SFI1: variants seen among roughly 807,000 people sequenced by gnomAD.
SFI1 encodes the protein SFI1 centrin binding protein, also known as protein SFI1 homolog.
Under a neutral mutation model 207.5 loss-of-function variants are expected in SFI1, and 195 were observed. That is an observed-to-expected ratio of 0.94 (90% CI 0.84 to 1.06). The LOEUF is 1.06. SFI1 is among the 50% of genes least tolerant of loss of function. The probability of loss-of-function intolerance (pLI) is 0.00; values close to 1 mark genes in which losing one functional copy is unlikely to be tolerated. For synonymous variants in SFI1, 630 were observed against 598.9 expected (o/e 1.05, Z -0.76); for missense variants, 1,634 against 1,588.0 (o/e 1.03, Z -0.49).
chr22:31,573,325 T>C, intron 9 of SFI1, 111 bp downstream of exon 9: 1 of 1,217,952 alleles, frequency 8.2e-7, no homozygotes, highest in Non-Finnish European at 1.1e-6. Context: ...CTCCAGAAAT[T>C]TTGGTAAAAG....
intron 10 of SFI1, among the ~76,000 whole-genome samples, chr22:31,576,221 C>T (rs186666196): frequency 4.0e-4 from 61 of 152,048 alleles, no homozygotes; most frequent in Non-Finnish European, 7.2e-4. Flanking sequence ...GACGGGGTTT[C>T]GCCATGTTGG....
chr22:31,548,083 G>T lies in SFI1; in HGVS notation c.449+1112G>T, dbSNP rs1385025937. On this transcript the variant is annotated intron_variant, in intron 5 of 32. Coordinates refer to ENST00000400288, the MANE Select transcript of SFI1 (RefSeq NM_001007467.3). The stretch of plus-strand genomic sequence containing the variant: ...ACAAAAAACAAAATTGGCTAGGCGT[G>T]GTGGCAGGCGCCTGTAGTTCCAGCT... Among the ~76,000 whole-genome samples the T allele has an allele frequency of 3.9e-5, 6 of 151,984 alleles. No individual in the cohort carries two copies. In the East Asian group the frequency reaches 1.2e-3, roughly 30 times the overall value.
intron 15 of SFI1, among the ~76,000 whole-genome samples, chr22:31,598,498 C>T (rs2067510880): frequency 6.6e-6 from 1 of 151,878 alleles, no homozygotes; most frequent in Non-Finnish European, 1.5e-5. Flanking sequence ...CAGCTCACTG[C>T]AAGCTCTGCC....
chr22:31,559,274 T>C (rs2061448455), intron 7 of SFI1, among the ~76,000 whole-genome samples: 1 of 151,970 alleles, frequency 6.6e-6, no homozygotes, highest in African/African-American at 2.4e-5. Flanking sequence ...AATACAAAAG[T>C]TAGCCTGGTT....
At chr22:31,587,978 A>G (rs1211067659) in intron 14 of SFI1, 1 of 152,224 alleles carries the variant, frequency 6.6e-6, no homozygotes, top group Non-Finnish European at 1.5e-5. Flanking sequence ...ATACACATAC[A>G]TATGCATACT....
Position 31,606,313 on chromosome 22 carries a change from C to G in SFI1, c.2055-15C>G. On this transcript the variant is annotated splice_polypyrimidine_tract_variant and intron_variant, in intron 20 of 32. Coordinates refer to ENST00000400288, the MANE Select transcript of SFI1 (RefSeq NM_001007467.3). Reference sequence around the variant, plus strand: ...CCTGGTGTCATCTGCCTTCCTCGCACCCATGCATCTGCAGCGGGGCATTAC... The same window carrying G: ...CCTGGTGTCATCTGCCTTCCTCGCAGCCATGCATCTGCAGCGGGGCATTAC... 1 of 1,611,334 alleles carries G rather than the reference C, an allele frequency of 6.2e-7. No homozygotes were observed.
intron 4 of SFI1, among the ~76,000 whole-genome samples, chr22:31,540,801 C>G (rs916002059): frequency 1.3e-5 from 2 of 150,856 alleles, no homozygotes; most frequent in African/African-American, 2.4e-5. Context: ...AGGCCGGTCT[C>G]GGACTGCCCT....
chr22:31,567,964 G>A (rs1482257458), intron 8 of SFI1, among the ~76,000 whole-genome samples: 1 of 152,062 alleles, frequency 6.6e-6, no homozygotes, highest in Non-Finnish European at 1.5e-5. Context: ...AGTAAAACAA[G>A]TGTTATTGTT....
At chr22:31,576,215 G>C (rs143109413) in intron 10 of SFI1, among the ~76,000 whole-genome samples, 1,631 of 152,102 alleles carry the variant, frequency 0.011, 8 homozygotes, top group Middle Eastern at 0.031. Context: ...AGTAGAGACG[G>C]GGTTTCGCCA....
At chr22:31,605,065 C>T in intron 20 of SFI1, 120 bp downstream of exon 20, 1 of 808,964 alleles carries the variant, frequency 1.2e-6, no homozygotes, top group Non-Finnish European at 1.9e-6. Flanking sequence ...TTCCTAGTCG[C>T]TAATATCATG....
chr22:31,569,134 A>G (rs533885326), intron 8 of SFI1, among the ~76,000 whole-genome samples: 1 of 152,314 alleles, frequency 6.6e-6, no homozygotes, highest in South Asian at 2.1e-4. Context: ...GAAGAATTCC[A>G]GTTAATAAAT....
At chr22:31,499,584 G>A (rs1569143612) in intron 1 of SFI1, among the ~76,000 whole-genome samples, 1 of 152,130 alleles carries the variant, frequency 6.6e-6, no homozygotes, top group Non-Finnish European at 1.5e-5. Flanking sequence ...AGCAGTGGTA[G>A]GATTTAAGAG....
In SFI1 at chr22:31,608,012, GC is replaced by G; in HGVS notation, c.2236del (p.Gln746ArgfsTer155). The G allele has an allele frequency of 6.2e-7, 1 of 1,613,878 alleles. No individual in the cohort carries two copies. The highest frequency in any genetic ancestry group is 1.1e-5 in the South Asian group (1 of 91,072). On this transcript the variant is annotated frameshift_variant, in exon 22 of 33. Transcript: ENST00000400288. LOFTEE classifies it high-confidence loss of function. Reference protein sequence around the residue: ...RQQEDCAIWEAQKVLDRGCLR... With the variant: ...RQQEDCAIWEXQKVLDRGCLR... Reference sequence around the variant, plus strand: ...GCAGGAGGACTGTGCCATCTGGGAGGCCCAGAAGGTGCTGGACAGGGGTAAG... The same window carrying G: ...GCAGGAGGACTGTGCCATCTGGGAGGCCAGAAGGTGCTGGACAGGGGTAAG...
At chr22:31,575,108 GTGTGT>G in intron 9 of SFI1, 118 bp from the exon 10 acceptor site, 2 of 542,810 alleles carry the variant, frequency 3.7e-6, no homozygotes. Flanking sequence ...GTGTGTGTGT[GTGTGT>G]GTGTGTGTGG....
intron 10 of SFI1, among the ~76,000 whole-genome samples, chr22:31,575,712 C>G (rs1207440740): frequency 6.6e-6 from 1 of 152,172 alleles, no homozygotes; most frequent in Non-Finnish European, 1.5e-5. Flanking sequence ...ATCCCACTTT[C>G]CTGATTCACA....
chr22:31,603,868 G>A, intron 18 of SFI1, 49 bp downstream of exon 18: 1 of 1,536,796 alleles, frequency 6.5e-7, no homozygotes, highest in Non-Finnish European at 8.7e-7. Context: ...TTGGACAGGT[G>A]GGCTGTGTGT....
chr22:31,559,865 C>T, intron 7 of SFI1: 1 of 673,510 alleles, frequency 1.5e-6, no homozygotes, highest in Non-Finnish European at 2.8e-6. Context: ...CTTCTGGGGC[C>T]TTCGTGTCCG....
Position 31,600,854 on chromosome 22 carries a change from A to G in SFI1, c.1545-1358A>G, listed in dbSNP as rs191367341. Among the ~76,000 whole-genome samples, 51 of 152,370 alleles carry G rather than the reference A, an allele frequency of 3.3e-4. 1 individual carries two copies. In the East Asian group the frequency reaches 5.8e-3, roughly 17 times the overall value. On this transcript the variant is annotated intron_variant, in intron 15 of 32. Transcript: ENST00000400288. Reference sequence around the variant, plus strand: ...TGTATTTTGTCTAGTTTTGTCATATATGGCCAGAGGGCAGATCCAGGACCA... The same window carrying G: ...TGTATTTTGTCTAGTTTTGTCATATGTGGCCAGAGGGCAGATCCAGGACCA...
upstream of SFI1, chr22:31,496,161 T>A (rs1042528539): frequency 1.3e-5 from 2 of 152,264 alleles, no homozygotes; most frequent in Non-Finnish European, 2.9e-5. Flanking sequence ...GGGAGGACTT[T>A]CGTACGCAGC....
Sources: gnomAD v4.1 joint callset for allele counts (sites outside exome capture counted in the v4.1 genomes callset) on GRCh38, gnomAD v4.1.1 for gene constraint, MANE v1.5 for transcripts, NCBI Gene and HGNC (gene_info 2026-07-23, HGNC 2026-07-21) for gene names.